ROCK2: variants seen among roughly 807,000 people sequenced by gnomAD.
The protein encoded by ROCK2 is Rho associated coiled-coil containing protein kinase 2, also known as rho-associated protein kinase 2.
A neutral mutation model predicts 195.1 loss-of-function variants in ROCK2; 61 were observed. The ratio of observed to expected loss-of-function variants is 0.31; its 90% confidence interval spans 0.25 to 0.39. The LOEUF is 0.39. Ranked by LOEUF, ROCK2 falls within the 10% of genes least tolerant of loss-of-function variation. The pLI is 1.00. For missense variants in ROCK2, 1,109 were observed against 1,637.4 expected (o/e 0.68, Z 5.57); for synonymous variants, 504 against 545.5 (o/e 0.92, Z 1.06).
chr2:11,228,562 A>G (rs1012614444), intron 5 of ROCK2, among the ~76,000 whole-genome samples: 12 of 152,174 alleles, frequency 7.9e-5, no homozygotes, highest in African/African-American at 2.4e-4. Context: ...AATTATGAAC[A>G]AGACAGTGCC....
chr2:11,317,597 TATA>T (rs1668248716), intron 1 of ROCK2, among the ~76,000 whole-genome samples: 4 of 16,366 alleles, frequency 2.4e-4, no homozygotes, highest in Non-Finnish European at 5.1e-4. Flanking sequence ...TATATATATA[TATA>T]TATATATATA....
At chr2:11,247,292 G>A (rs1322304062) in intron 4 of ROCK2, among the ~76,000 whole-genome samples, 1 of 152,112 alleles carries the variant, frequency 6.6e-6, no homozygotes, top group Non-Finnish European at 1.5e-5. Flanking sequence ...AATGGTGATG[G>A]TTGTACAACT....
At chr2:11,254,284 C>T (rs986489805) in intron 3 of ROCK2, among the ~76,000 whole-genome samples, 3 of 152,096 alleles carry the variant, frequency 2.0e-5, no homozygotes, top group African/African-American at 7.2e-5. Flanking sequence ...CAAGTCAACC[C>T]CATAATTGCC....
chr2:11,304,956 T>C lies in ROCK2; in HGVS notation c.142-17220A>G, dbSNP rs1023826868. On this transcript the variant is annotated intron_variant, in intron 1 of 32. Transcript: ENST00000315872. The stretch of plus-strand genomic sequence containing the variant: ...ATTAGTTACTATGTAATAACCGAAC[T>C]AGGCTCATACTAATGATAGAATAAA... 2.0e-5 allele frequency among the ~76,000 whole-genome samples: 3 copies of C among 152,288 alleles called. No individual in the cohort carries two copies. The East Asian group carries it at 5.8e-4, about 29-fold the overall frequency.
intron 3 of ROCK2, among the ~76,000 whole-genome samples, chr2:11,266,637 T>C (rs1666424270): frequency 6.6e-6 from 1 of 152,170 alleles, no homozygotes; most frequent in African/African-American, 2.4e-5. Context: ...AAAAACATAC[T>C]CATAAAGATG....
chr2:11,232,712 C>G (rs1665063370), intron 5 of ROCK2, among the ~76,000 whole-genome samples: 1 of 152,032 alleles, frequency 6.6e-6, no homozygotes, highest in Admixed American at 6.6e-5. Context: ...TGAAGGAGTT[C>G]TATTCAAACA....
intron 4 of ROCK2, among the ~76,000 whole-genome samples, chr2:11,244,536 T>C (rs185701381): frequency 6.6e-6 from 1 of 152,054 alleles, no homozygotes; most frequent in African/African-American, 2.4e-5. Flanking sequence ...TAAGCAGAGA[T>C]AGGAGGAATG....
intron 4 of ROCK2, among the ~76,000 whole-genome samples, chr2:11,236,841 C>T (rs1348089905): frequency 1.3e-5 from 2 of 152,184 alleles, no homozygotes; most frequent in Non-Finnish European, 2.9e-5. Context: ...ATAGGACAAA[C>T]CGAAGACAGC....
At chr2:11,187,189 T>C (rs1663230507) in intron 32 of ROCK2, among the ~76,000 whole-genome samples, 1 of 152,224 alleles carries the variant, frequency 6.6e-6, no homozygotes, top group Non-Finnish European at 1.5e-5. Context: ...CCCCATATCC[T>C]TGTCTTCACT....
At chr2:11,332,203 C>A (rs1289208509) in intron 1 of ROCK2, among the ~76,000 whole-genome samples, 1 of 151,996 alleles carries the variant, frequency 6.6e-6, no homozygotes, top group Admixed American at 6.6e-5. Flanking sequence ...CAGCAAGACT[C>A]ATTCATTCCT....
Position 11,215,049 on chromosome 2 carries a change from T to C in ROCK2, c.1727A>G (p.Asp576Gly), listed in dbSNP as rs1403246942. ...GGTTTTCCTTAACCGGGCTGCAGTA[T>C]CAGACTCTGTTCGCAGTAAAGCATT... is the stretch of plus-strand genomic sequence containing the variant. ...ETNALLRTESDTAARLRKTQA... is the reference protein window; with the variant it reads ...ETNALLRTESGTAARLRKTQA... The change falls in exon 16 of 33, where the codon GAT (aspartate) becomes GGT (glycine). Residue 576 changes from aspartate to glycine, a missense_variant. Physicochemically the swap from Asp to Gly is moderately conservative, Grantham distance 94. Coordinates refer to ENST00000315872, the MANE Select transcript of ROCK2 (RefSeq NM_004850.5). 1 of 1,614,142 alleles carries C rather than the reference T, an allele frequency of 6.2e-7. No individual in the cohort carries two copies. The highest frequency in any genetic ancestry group is 1.1e-5 in the South Asian group (1 of 91,074).
Position 11,181,102 on chromosome 2 carries a change from C to T in ROCK2, c.*2335G>A, listed in dbSNP as rs1361814064. On this transcript the variant is annotated 3_prime_UTR_variant, in exon 33 of 33. Transcript: ENST00000315872. ...ATATATACAGCATTCCAAATTTAAA[C>T]TTTTGCCTTTTTTACTCAAATATTT... The T allele has an allele frequency of 6.7e-6, 1 of 150,170 alleles. No homozygotes were observed. The highest frequency in any genetic ancestry group is 2.4e-5 in the African/African-American group (1 of 40,886). 9.3% of individuals were successfully genotyped at this position (150,170 alleles called of 1,614,324 possible).
chr2:11,183,206 A>G lies in ROCK2; in HGVS notation c.*231T>C. ...ATGGAAAAGTCTGGAAGAGTTGCAT[A>G]TATCCTTAGTCTATCAACCAATCAT... On this transcript the variant is annotated 3_prime_UTR_variant, in exon 33 of 33. Coordinates refer to ENST00000315872, the MANE Select transcript of ROCK2 (RefSeq NM_004850.5). 1 of 428,624 alleles carries G rather than the reference A, an allele frequency of 2.3e-6. No individual in the cohort carries two copies. The highest frequency in any genetic ancestry group is 4.3e-6 in the Non-Finnish European group (1 of 233,904). The allele number at this position is 428,624 out of a possible 1,614,324, so 26.6% of individuals were successfully genotyped here.
chr2:11,342,581 T>TA (rs961920597), intron 1 of ROCK2, among the ~76,000 whole-genome samples: 1 of 152,200 alleles, frequency 6.6e-6, no homozygotes, highest in Non-Finnish European at 1.5e-5. Context: ...TTTCTGGCCT[T>TA]AGGTCAAAGT....
intron 3 of ROCK2, among the ~76,000 whole-genome samples, chr2:11,260,448 C>CAAAAAA (rs35308782): frequency 1.5e-4 from 14 of 91,480 alleles, no homozygotes; most frequent in East Asian, 3.3e-4. Flanking sequence ...ACTCTGTCTC[C>CAAAAAA]AAAAAAAAAA....
At chr2:11,193,908 A>G (rs1405678099) in intron 29 of ROCK2, 51 bp from the exon 30 acceptor site, 3 of 1,000,360 alleles carry the variant, frequency 3.0e-6, no homozygotes, top group Non-Finnish European at 3.1e-6. Flanking sequence ...GGATCAAATT[A>G]TATATTAATT....
chr2:11,343,104 G>A (rs1459602531), intron 1 of ROCK2, among the ~76,000 whole-genome samples: 1 of 152,118 alleles, frequency 6.6e-6, no homozygotes, highest in African/African-American at 2.4e-5. Flanking sequence ...AATACACAGA[G>A]TATCGTTTTC....
intron 1 of ROCK2, among the ~76,000 whole-genome samples, chr2:11,338,545 C>A (rs1455999089): frequency 6.6e-6 from 1 of 152,088 alleles, no homozygotes; most frequent in Non-Finnish European, 1.5e-5. Context: ...AGATTACATG[C>A]AAATACTAAT....
At chr2:11,207,932 TG>T (rs1479041957) in intron 19 of ROCK2, 22 bp from the exon 20 acceptor site, 1 of 1,495,268 alleles carries the variant, frequency 6.7e-7, no homozygotes, top group Non-Finnish European at 9.0e-7. Context: ...ATTGTGTACT[TG>T]GTATATAAGT....
Sources: allele counts gnomAD v4.1 joint callset (sites outside exome capture counted in the v4.1 genomes callset), GRCh38; gene constraint gnomAD v4.1.1; transcripts MANE v1.5; gene names NCBI Gene and HGNC (gene_info 2026-07-23, HGNC 2026-07-21).